The following KRTAP5-1 variants were observed in gnomAD, a reference collection of about 807,000 sequenced individuals.
KRTAP5-1 encodes the protein keratin associated protein 5-1, also known as keratin-associated protein 5-1.
KRTAP5-1 carries 1 observed loss-of-function variant against 1.1 expected under a neutral mutation model. The ratio of observed to expected loss-of-function variants is 0.90; its 90% CI spans 0.32 to 4.26. KRTAP5-1 has a LOEUF of 4.26. KRTAP5-1 is among the 30% of genes most tolerant of loss of function. The pLI is 0.17. For synonymous variants in KRTAP5-1, 105 were observed against 141.6 expected (o/e 0.74, Z 1.84); for missense variants, 302 against 349.7 (o/e 0.86, Z 1.09).
chr11:1,584,652 C>G lies in KRTAP5-1; in HGVS notation c.598G>C (p.Gly200Arg). ...CGGSKGGCGS[G>R]CGGCGSGCGV... ...CAGCCGGAGCCACAGCCCCCACAGC[C>G]GGAGCCACAACCCCCCTTGGATCCC... Residue 200 changes from glycine (G) to arginine (R), a missense_variant, in exon 1 of 1, where the codon GGC (glycine) becomes CGC (arginine). By Grantham distance (125) the Gly-to-Arg change is moderately radical. Around this residue, in one of 2 missense-constraint regions of KRTAP5-1, gnomAD observed 137 missense variants for 113.9 expected, o/e 1.20. Transcript: ENST00000382171. 1 of 1,553,406 alleles carries G rather than the reference C, an allele frequency of 6.4e-7. No homozygotes were observed.
At position 1,584,507 on chromosome 11, in the gene KRTAP5-1, C is replaced by T. The variant is rs1387631993; in HGVS notation, c.743G>A (p.Gly248Asp). 1 of 1,613,898 alleles carries T rather than the reference C, an allele frequency of 6.2e-7. No individual in the cohort carries two copies. Among genetic ancestry groups the T allele is most frequent in the South Asian group, 1.1e-5 (1 of 91,074 alleles). ...SCCKPCCCSS[G>D]CGSSCCQSSC... Reference sequence around the variant, plus strand: ...GGATTGGCAACAGGATGACCCACAGCCTGAGGAACAGCAGCAGGGCTTACA... The same window carrying T: ...GGATTGGCAACAGGATGACCCACAGTCTGAGGAACAGCAGCAGGGCTTACA... Residue 248 changes from glycine (G) to aspartate (D), a missense_variant, in exon 1 of 1, where the codon GGC becomes GAC. By Grantham distance (94) the Gly-to-Asp change is moderately conservative. Coordinates refer to ENST00000382171, the MANE Select transcript of KRTAP5-1 (RefSeq NM_001005922.1).
chr11:1,584,882 C>T lies in KRTAP5-1; in HGVS notation c.368G>A (p.Cys123Tyr), dbSNP rs1849126031. The T allele has an allele frequency of 1.3e-6, 2 of 1,513,256 alleles. No individual in the cohort carries two copies. Among genetic ancestry groups the T allele is most frequent in the Non-Finnish European group, 1.8e-6 (2 of 1,127,898 alleles). 93.7% of individuals were successfully genotyped at this position (1,513,256 alleles called of 1,614,324 possible). A position where few individuals can be genotyped will look rare whatever the true frequency, so the allele number is the denominator to read the frequency against. The change falls in exon 1 of 1, where the codon TGT becomes TAT. Residue 123 changes from cysteine to tyrosine, a missense_variant. Coordinates refer to ENST00000382171, the MANE Select transcript of KRTAP5-1 (RefSeq NM_001005922.1). Reference protein sequence around the residue: ...GGSKGGCGSGCGGCGSSCCVP... With the variant: ...GGSKGGCGSGYGGCGSSCCVP... Reference sequence around the variant, plus strand: ...ACAGCAGCTGGAGCCACATCCCCCACAGCCGGAACCACAGCCACCCTTGGA... The same window carrying T: ...ACAGCAGCTGGAGCCACATCCCCCATAGCCGGAACCACAGCCACCCTTGGA...
chr11:1,584,581 G>A lies in KRTAP5-1; in HGVS notation c.669C>T (p.Cys223=), dbSNP rs1246374239. 6.2e-6 allele frequency: 10 copies of A among 1,613,818 alleles called. 1 individual carries two copies. The East Asian group carries it at 8.9e-5, about 14-fold the overall frequency. Residue 223 remains cysteine, a synonymous_variant, in exon 1 of 1, where the codon TGC becomes TGT. Transcript: ENST00000382171. ...CCCSCSSCGS[C]AGSKGGCGSS... Reference sequence around the variant, plus strand: ...ACCCGCAGCCTCCCTTAGACCCCGCGCAAGAGCCACAACTGGAACAGGAAC... The same window carrying A: ...ACCCGCAGCCTCCCTTAGACCCCGCACAAGAGCCACAACTGGAACAGGAAC...
Position 1,584,484 on chromosome 11 carries a change from A to G in KRTAP5-1, c.766T>C (p.Ser256Pro). The G allele has an allele frequency of 6.2e-7, 1 of 1,613,294 alleles. No individual in the cohort carries two copies. ...SSGCGSSCCQSSCCKPCCSQS... is the reference protein window; with the variant it reads ...SSGCGSSCCQPSCCKPCCSQS... ...GAGCAGCAGGGCTTGCAGCAGCTGG[A>G]TTGGCAACAGGATGACCCACAGCCT... The change falls in exon 1 of 1, where the codon TCC becomes CCC. Residue 256 changes from serine (S) to proline (P), a missense_variant. Coordinates refer to ENST00000382171, the MANE Select transcript of KRTAP5-1 (RefSeq NM_001005922.1).
Position 1,584,345 on chromosome 11 carries a change from G to A in KRTAP5-1, c.*68C>T. 3 of 1,543,534 alleles carry A rather than the reference G, an allele frequency of 1.9e-6. No homozygotes were observed. Among genetic ancestry groups the A allele is most frequent in the Non-Finnish European group, 2.7e-6 (3 of 1,123,674 alleles). On this transcript the variant is annotated 3_prime_UTR_variant, in exon 1 of 1. Coordinates refer to ENST00000382171, the MANE Select transcript of KRTAP5-1 (RefSeq NM_001005922.1). ...GGAAGGAGAGTCTGGCTCACTGGGT[G>A]CCAGGAAAAGGAGGTAAAGGCTGGG...
Position 1,584,422 on chromosome 11 carries a change from G to C in KRTAP5-1, c.828C>G (p.Cys276Trp). 1 of 1,614,020 alleles carries C rather than the reference G, an allele frequency of 6.2e-7. No homozygotes were observed. The highest frequency in any genetic ancestry group is 8.5e-7 in the Non-Finnish European group (1 of 1,179,958). ...SSCCVPVCCQCKI is the reference protein window; with the variant it reads ...SSCCVPVCCQWKI ...CCTGCAAAGCCAGAAATCAGATCTT[G>C]CACTGGCAGCACACGGGGACACAGC... The change falls in exon 1 of 1, where the codon TGC (cysteine) becomes TGG (tryptophan). Residue 276 changes from cysteine to tryptophan, a missense_variant. Cys to Trp is a radical substitution (Grantham distance 215). This residue lies in a region of KRTAP5-1 where 137 missense variants were observed against 113.9 expected (regional missense o/e 1.20). Transcript: ENST00000382171.
At position 1,584,370 on chromosome 11, in the gene KRTAP5-1, G is replaced by A. The variant is rs1341316669; in HGVS notation, c.*43C>T. The A allele has an allele frequency of 1.2e-6, 2 of 1,604,708 alleles. No homozygotes were observed. The highest frequency in any genetic ancestry group is 2.2e-5 in the South Asian group (2 of 90,262). On this transcript the variant is annotated 3_prime_UTR_variant, in exon 1 of 1. Coordinates refer to ENST00000382171, the MANE Select transcript of KRTAP5-1 (RefSeq NM_001005922.1). ...GCCAGGAAAAGGAGGTAAAGGCTGG[G>A]CAGGAATGCCTGGCCATGGTAAGAG...
chr11:1,584,372 A>T lies in KRTAP5-1; in HGVS notation c.*41T>A. 6.2e-7 allele frequency: 1 copy of T among 1,607,154 alleles called. No homozygotes were observed. The highest frequency in any genetic ancestry group is 8.5e-7 in the Non-Finnish European group (1 of 1,174,790). ...CAGGAAAAGGAGGTAAAGGCTGGGC[A>T]GGAATGCCTGGCCATGGTAAGAGTC... On this transcript the variant is annotated 3_prime_UTR_variant, in exon 1 of 1. Transcript: ENST00000382171.
In KRTAP5-1 at chr11:1,584,664, C is replaced by T; in HGVS notation, c.586G>A (p.Gly196Ser). 6.4e-7 allele frequency: 1 copy of T among 1,565,524 alleles called. No individual in the cohort carries two copies. Residue 196 changes from glycine (G) to serine (S), a missense_variant, in exon 1 of 1, where the codon GGT (glycine) becomes AGT (serine). Physicochemically the swap from Gly to Ser is moderately conservative, Grantham distance 56. Around this residue, in one of 2 missense-constraint regions of KRTAP5-1, gnomAD observed 137 missense variants for 113.9 expected, o/e 1.20. Coordinates refer to ENST00000382171, the MANE Select transcript of KRTAP5-1 (RefSeq NM_001005922.1). Reference sequence around the variant, plus strand: ...CAGCCCCCACAGCCGGAGCCACAACCCCCCTTGGATCCCCCACAAGAACCG... The same window carrying T: ...CAGCCCCCACAGCCGGAGCCACAACTCCCCTTGGATCCCCCACAAGAACCG... ...GCGSCGGSKG[G>S]CGSGCGGCGS...
Position 1,584,798 on chromosome 11 carries a change from C to A in KRTAP5-1, c.452G>T (p.Ser151Ile). The change falls in exon 1 of 1, where the codon AGC (serine) becomes ATC (isoleucine). Residue 151 changes from serine to isoleucine, a missense_variant. Around this residue, in one of 2 missense-constraint regions of KRTAP5-1, gnomAD observed 165 missense variants for 235.8 expected, o/e 0.70. Coordinates refer to ENST00000382171, the MANE Select transcript of KRTAP5-1 (RefSeq NM_001005922.1). ...CCCVPACSCS[S>I]CGKGGCGSCG... is the part of the protein sequence containing the mutation. ...GGAGCCACAGCCCCCTTTGCCACAG[C>A]TGGAGCAGGAACAAGCTGGCACACA... The A allele has an allele frequency of 1.2e-6, 2 of 1,601,426 alleles. No homozygotes were observed. Among genetic ancestry groups the A allele is most frequent in the Non-Finnish European group, 1.7e-6 (2 of 1,175,748 alleles).
Position 1,584,481 on chromosome 11 carries a change from T to A in KRTAP5-1, c.769A>T (p.Ser257Cys). ...TGGGAGCAGCAGGGCTTGCAGCAGC[T>A]GGATTGGCAACAGGATGACCCACAG... ...SGCGSSCCQS[S>C]CCKPCCSQSS... is the part of the protein sequence containing the mutation. Residue 257 changes from serine (S) to cysteine (C), a missense_variant, in exon 1 of 1, where the codon AGC (serine) becomes TGC (cysteine). Ser to Cys is a moderately radical substitution (Grantham distance 112, BLOSUM62 -1). Coordinates refer to ENST00000382171, the MANE Select transcript of KRTAP5-1 (RefSeq NM_001005922.1). 1.2e-6 allele frequency: 2 copies of A among 1,613,004 alleles called. No homozygotes were observed. The highest frequency in any genetic ancestry group is 1.7e-6 in the Non-Finnish European group (2 of 1,179,566).
rs1849136303 is a variant in KRTAP5-1 at position 1,585,133 on chromosome 11, G to A, written c.117C>T (p.Gly39=). 16 of 1,606,816 alleles carry A rather than the reference G, an allele frequency of 1.0e-5. No homozygotes were observed. The East Asian group carries it at 2.7e-4, about 27-fold the overall frequency. ...GGCGSGCGGS[G]SSCCVPVCCC... ...AGCAGACGGGCACACAGCAGCTGGAGCCAGAACCTCCACAGCCAGAGCCAC... is the reference window on the plus strand; with the variant it reads ...AGCAGACGGGCACACAGCAGCTGGAACCAGAACCTCCACAGCCAGAGCCAC... The change falls in exon 1 of 1, where the codon GGC becomes GGT. Residue 39 remains glycine, a synonymous_variant. Transcript: ENST00000382171.
chr11:1,584,457 G>A lies in KRTAP5-1; in HGVS notation c.793C>T (p.Gln265Ter), dbSNP rs1849109474. 1.2e-6 allele frequency: 2 copies of A among 1,613,990 alleles called. No individual in the cohort carries two copies. The highest frequency in any genetic ancestry group is 1.3e-5 in the African/African-American group (1 of 74,978). Residue 265 changes from glutamine (Q) to a stop codon, truncating the protein, a stop_gained, in exon 1 of 1, where the codon CAG becomes TAG. Transcript: ENST00000382171. LOFTEE classifies it high-confidence loss of function. ...CACACGGGGACACAGCAACTGGACT[G>A]GGAGCAGCAGGGCTTGCAGCAGCTG... is the stretch of plus-strand genomic sequence containing the variant. ...QSSCCKPCCS[Q>*]SSCCVPVCCQ...
rs1849136202 is a variant in KRTAP5-1 at position 1,585,124 on chromosome 11, G to A, written c.126C>T (p.Cys42=). 6.2e-7 allele frequency: 1 copy of A among 1,608,452 alleles called. No homozygotes were observed. The highest frequency in any genetic ancestry group is 8.5e-7 in the Non-Finnish European group (1 of 1,178,248). ...GSGCGGSGSS[C]CVPVCCCKPV... Reference sequence around the variant, plus strand: ...GCTTGCAGCAGCAGACGGGCACACAGCAGCTGGAGCCAGAACCTCCACAGC... The same window carrying A: ...GCTTGCAGCAGCAGACGGGCACACAACAGCTGGAGCCAGAACCTCCACAGC... Residue 42 remains cysteine (C), a synonymous_variant, in exon 1 of 1, where the codon TGC becomes TGT. Coordinates refer to ENST00000382171, the MANE Select transcript of KRTAP5-1 (RefSeq NM_001005922.1).
Position 1,584,791 on chromosome 11 carries a change from G to GGAGCCCCC in KRTAP5-1, c.458_459insGGGGGCTC (p.Lys154GlyfsTer?), listed in dbSNP as rs752369173. Reference sequence around the variant, plus strand: ...ACCCACAGGAGCCACAGCCCCCTTTGCCACAGCTGGAGCAGGAACAAGCTG... The same window carrying GGAGCCCCC: ...ACCCACAGGAGCCACAGCCCCCTTTGGAGCCCCCCCACAGCTGGAGCAGGAACAAGCTG... On this transcript the variant is annotated frameshift_variant, in exon 1 of 1. Coordinates refer to ENST00000382171, the MANE Select transcript of KRTAP5-1 (RefSeq NM_001005922.1). LOFTEE classifies it low-confidence loss of function (END_TRUNC). The GGAGCCCCC allele has an allele frequency of 6.3e-7, 1 of 1,583,218 alleles. No individual in the cohort carries two copies. The highest frequency in any genetic ancestry group is 1.5e-5 in the African/African-American group (1 of 66,324).
chr11:1,584,588 C>G lies in KRTAP5-1; in HGVS notation c.662G>C (p.Gly221Ala), dbSNP rs1288090445. Reference protein sequence around the residue: ...PVCCCSCSSCGSCAGSKGGCG... With the variant: ...PVCCCSCSSCASCAGSKGGCG... ...GCCTCCCTTAGACCCCGCGCAAGAG[C>G]CACAACTGGAACAGGAACAGCAACA... The change falls in exon 1 of 1, where the codon GGC (glycine) becomes GCC (alanine). Residue 221 changes from glycine (G) to alanine (A), a missense_variant. Transcript: ENST00000382171. 1.9e-6 allele frequency: 3 copies of G among 1,613,916 alleles called. No homozygotes were observed. Among genetic ancestry groups the G allele is most frequent in the Non-Finnish European group, 2.5e-6 (3 of 1,179,984 alleles).
At position 1,584,897 on chromosome 11, in the gene KRTAP5-1, C is replaced by A; in HGVS notation, c.353G>T (p.Gly118Val). ...ACATCCCCCACAGCCGGAACCACAG[C>A]CACCCTTGGATCCCCCACAAGAGCC... ...GCGSCGGSKG[G>V]CGSGCGGCGS... The change falls in exon 1 of 1, where the codon GGC (glycine) becomes GTC (valine). Residue 118 changes from glycine (G) to valine (V), a missense_variant. Gly to Val is a moderately radical substitution (Grantham distance 109, BLOSUM62 -3). Coordinates refer to ENST00000382171, the MANE Select transcript of KRTAP5-1 (RefSeq NM_001005922.1). 2.6e-6 allele frequency: 1 copy of A among 379,208 alleles called. No homozygotes were observed. The highest frequency in any genetic ancestry group is 3.8e-5 in the South Asian group (1 of 26,424). The allele number at this position is 379,208 out of a possible 1,614,324, so 23.5% of individuals were successfully genotyped here. A position where few individuals can be genotyped will look rare whatever the true frequency, so the allele number is the denominator to read the frequency against.
In KRTAP5-1 at chr11:1,584,516, C is replaced by A. The variant is rs1365635297; in HGVS notation, c.734G>T (p.Cys245Phe). The A allele has an allele frequency of 6.2e-7, 1 of 1,613,926 alleles. No homozygotes were observed. Among genetic ancestry groups the A allele is most frequent in the South Asian group, 1.1e-5 (1 of 91,076 alleles). ...ACAGGATGACCCACAGCCTGAGGAACAGCAGCAGGGCTTACAGCAACTGCA... is the reference window on the plus strand; with the variant it reads ...ACAGGATGACCCACAGCCTGAGGAAAAGCAGCAGGGCTTACAGCAACTGCA... ...SQCSCCKPCC[C>F]SSGCGSSCCQ... Residue 245 changes from cysteine (C) to phenylalanine (F), a missense_variant, in exon 1 of 1, where the codon TGT becomes TTT. Physicochemically the swap from Cys to Phe is radical, Grantham distance 205. This residue lies in a region of KRTAP5-1 where 137 missense variants were observed against 113.9 expected (regional missense o/e 1.20). Transcript: ENST00000382171.
In KRTAP5-1 at chr11:1,585,058, A is replaced by T. The variant is rs767987134; in HGVS notation, c.192T>A (p.Cys64Ter). 1 of 1,506,712 alleles carries T rather than the reference A, an allele frequency of 6.6e-7. No individual in the cohort carries two copies. The highest frequency in any genetic ancestry group is 8.9e-7 in the Non-Finnish European group (1 of 1,121,822). The allele number at this position is 1,506,712 out of a possible 1,614,324, so 93.3% of individuals were successfully genotyped here. The change falls in exon 1 of 1, where the codon TGT becomes TGA. Residue 64 changes from cysteine to a stop codon, truncating the protein, a stop_gained. Transcript: ENST00000382171. LOFTEE classifies it low-confidence loss of function (END_TRUNC). Reference sequence around the variant, plus strand: ...CAGAAGAGCCACAGCCCCCTTTGCCACAGCTGGAGCAGGAACAGGTTGGCA... The same window carrying T: ...CAGAAGAGCCACAGCCCCCTTTGCCTCAGCTGGAGCAGGAACAGGTTGGCA... ...CRVPTCSCSS[C>*]GKGGCGSSGG...
Sources: allele counts gnomAD v4.1 joint callset, GRCh38; gene constraint gnomAD v4.1.1; regional missense constraint gnomAD v4.1.1; transcripts MANE v1.5; gene names NCBI Gene and HGNC (gene_info 2026-07-23, HGNC 2026-07-21).